Variants in CBLB observed in about 807,000 individuals in gnomAD.
The protein encoded by CBLB is E3 ubiquitin-protein ligase CBL-B.
A neutral mutation model predicts 104.9 loss-of-function variants in CBLB; 31 were observed. That is an observed-to-expected ratio of 0.30 (90% CI 0.22 to 0.40). The LOEUF (loss-of-function observed/expected upper bound fraction) is 0.40. Among genes scored for constraint, CBLB ranks in the 10% least tolerant of loss-of-function variants. The pLI is 1.00. For missense variants in CBLB, 1,062 were observed against 1,214.6 expected, an observed-to-expected ratio of 0.87 and a Z score of 1.87; for synonymous variants, 440 against 422.6, an observed-to-expected ratio of 1.04 and a Z score of -0.51.
intron 4 of CBLB, among the ~76,000 whole-genome samples, chr3:105,769,027 A>G (rs1033362842): frequency 6.6e-6 from 1 of 152,192 alleles, no homozygotes; most frequent in African/African-American, 2.4e-5. Flanking sequence ...GTTAACAATT[A>G]TTGCCGCCGG....
chr3:105,789,180 T>A (rs911149421), intron 3 of CBLB, among the ~76,000 whole-genome samples: 2 of 152,212 alleles, frequency 1.3e-5, no homozygotes, highest in Non-Finnish European at 2.9e-5. Context: ...CATTCAATAA[T>A]GTTAATTGTT....
intron 9 of CBLB, among the ~76,000 whole-genome samples, chr3:105,721,970 T>C (rs932156658): frequency 2.2e-4 from 33 of 152,018 alleles, no homozygotes; most frequent in African/African-American, 7.9e-4. Flanking sequence ...TTCAAAAAGA[T>C]AGTTTTATTT....
intron 2 of CBLB, among the ~76,000 whole-genome samples, chr3:105,856,274 C>G (rs1301911804): frequency 6.8e-6 from 1 of 146,136 alleles, no homozygotes; most frequent in South Asian, 2.2e-4. Flanking sequence ...CACTTGAACC[C>G]GGGAGGCAGA....
At chr3:105,779,464 C>G (rs1335661783) in intron 3 of CBLB, among the ~76,000 whole-genome samples, 1 of 152,068 alleles carries the variant, frequency 6.6e-6, no homozygotes, top group Non-Finnish European at 1.5e-5. Context: ...GAAAGAAACT[C>G]AAGCTCATAT....
At chr3:105,737,338 T>A (rs1051092877) in intron 7 of CBLB, 80 bp from the exon 8 acceptor site, 1 of 653,472 alleles carries the variant, frequency 1.5e-6, no homozygotes, top group Non-Finnish European at 2.7e-6. Flanking sequence ...AATTTTTCTA[T>A]ATTCAAACAT....
At chr3:105,783,499 A>G (rs2080547116) in intron 3 of CBLB, among the ~76,000 whole-genome samples, 1 of 152,166 alleles carries the variant, frequency 6.6e-6, no homozygotes, top group Non-Finnish European at 1.5e-5. Context: ...ACAGCAAACA[A>G]TGGGCAAGTA....
chr3:105,670,386 A>T, intron 17 of CBLB, 34 bp from the exon 18 acceptor site: 1 of 1,585,446 alleles, frequency 6.3e-7, no homozygotes, highest in Non-Finnish European at 8.6e-7. Context: ...AATTAAAAGG[A>T]TGATCTCTGT....
chr3:105,667,012 A>T (rs2064542636), intron 18 of CBLB, among the ~76,000 whole-genome samples: 1 of 152,232 alleles, frequency 6.6e-6, no homozygotes, highest in Admixed American at 6.5e-5. Flanking sequence ...TAACAGAGAT[A>T]AACTATTGAA....
chr3:105,823,348 G>T (rs940384407), intron 3 of CBLB, among the ~76,000 whole-genome samples: 2 of 152,130 alleles, frequency 1.3e-5, no homozygotes, highest in Non-Finnish European at 1.5e-5. Flanking sequence ...TCCACACAAC[G>T]TAGGGGAAGG....
intron 3 of CBLB, among the ~76,000 whole-genome samples, chr3:105,789,377 A>C (rs1392943446): frequency 6.6e-6 from 1 of 152,136 alleles, no homozygotes; most frequent in African/African-American, 2.4e-5. Flanking sequence ...AAAAATTATA[A>C]ATTTTACAAG....
intron 3 of CBLB, among the ~76,000 whole-genome samples, chr3:105,798,635 T>G (rs1252732051): frequency 6.6e-6 from 1 of 152,238 alleles, no homozygotes; most frequent in Admixed American, 6.5e-5. Flanking sequence ...GATTTAAGTC[T>G]GTTTTTCCTC....
In CBLB at chr3:105,658,857, C is replaced by G; in HGVS notation, c.*113G>C. The stretch of plus-strand genomic sequence containing the variant: ...CTGCACTCCCAAGCCTCTTCTCAAG[C>G]TGCTACACGAGGAGGAGACACTTCT... On this transcript the variant is annotated 3_prime_UTR_variant, in exon 19 of 19. Coordinates refer to ENST00000394030, the MANE Select transcript of CBLB (RefSeq NM_170662.5). 1 of 1,165,476 alleles carries G rather than the reference C, an allele frequency of 8.6e-7. No individual in the cohort carries two copies. The highest frequency in any genetic ancestry group is 2.3e-5 in the East Asian group (1 of 42,604). The allele number at this position is 1,165,476 out of a possible 1,614,324, so 72.2% of individuals were successfully genotyped here.
intron 9 of CBLB, among the ~76,000 whole-genome samples, chr3:105,728,619 T>C (rs1293453360): frequency 6.6e-6 from 1 of 152,146 alleles, no homozygotes; most frequent in Non-Finnish European, 1.5e-5. Context: ...CATTAACACG[T>C]GGATGTGAAA....
At chr3:105,803,505 C>G (rs751229551) in intron 3 of CBLB, among the ~76,000 whole-genome samples, 5 of 152,120 alleles carry the variant, frequency 3.3e-5, no homozygotes, top group Admixed American at 1.3e-4. Context: ...TAAAAAGAAG[C>G]CTAACTCAAA....
At chr3:105,770,341 G>A (rs574112791) in intron 4 of CBLB, among the ~76,000 whole-genome samples, 3 of 152,058 alleles carry the variant, frequency 2.0e-5, no homozygotes, top group Non-Finnish European at 4.4e-5. Context: ...TCCCCACCAG[G>A]GAATCTGAAA....
At chr3:105,836,902 T>C (rs1161369118) in intron 3 of CBLB, among the ~76,000 whole-genome samples, 1 of 151,380 alleles carries the variant, frequency 6.6e-6, no homozygotes, top group Non-Finnish European at 1.5e-5. Context: ...AAGCCCTGCC[T>C]ACATATTCAA....
chr3:105,819,704 A>G (rs969254843), intron 3 of CBLB, among the ~76,000 whole-genome samples: 1 of 152,224 alleles, frequency 6.6e-6, no homozygotes, highest in Admixed American at 6.5e-5. Flanking sequence ...GCTTCCTTTC[A>G]GTTGGACTCA....
chr3:105,735,149 T>C (rs914374402), intron 8 of CBLB, among the ~76,000 whole-genome samples: 2 of 152,170 alleles, frequency 1.3e-5, no homozygotes, highest in African/African-American at 4.8e-5. Flanking sequence ...TACTAAAATA[T>C]ATTATAATCC....
At chr3:105,719,532 C>A (rs1246478678) in intron 10 of CBLB, among the ~76,000 whole-genome samples, 5 of 152,176 alleles carry the variant, frequency 3.3e-5, no homozygotes, top group African/African-American at 1.2e-4. Flanking sequence ...ATCATAGCCA[C>A]CTTAACGTCA....
Sources: gnomAD v4.1 joint callset for allele counts (sites outside exome capture counted in the v4.1 genomes callset) on GRCh38, gnomAD v4.1.1 for gene constraint, MANE v1.5 for transcripts, NCBI Gene and HGNC (gene_info 2026-07-23, HGNC 2026-07-21) for gene names.